PCDH15: variants seen among roughly 807,000 people sequenced by gnomAD.
The protein encoded by PCDH15 is protocadherin-15.
A neutral mutation model predicts 178.5 loss-of-function variants in PCDH15; 129 were observed. The observed-to-expected ratio is 0.72, with a 90% confidence interval of 0.63 to 0.84. The LOEUF is 0.84. PCDH15 is among the 40% of genes least tolerant of loss of function. PCDH15 has a pLI of 0.00. For missense variants in PCDH15, 2,230 were observed against 2,099.9 expected (o/e 1.06, Z -1.21); for synonymous variants, 800 against 732.0 (o/e 1.09, Z -1.50).
intron 18 of PCDH15, among the ~76,000 whole-genome samples, chr10:54,023,523 T>C (rs2660171): frequency 0.016 from 2,382 of 148,724 alleles, 59 homozygotes; most frequent in African/African-American, 0.055. Flanking sequence ...GAAAAAATTT[T>C]GTTTGTAATT....
intron 5 of PCDH15, among the ~76,000 whole-genome samples, chr10:54,368,709 A>T (rs1947175732): frequency 6.6e-6 from 1 of 151,994 alleles, no homozygotes; most frequent in Non-Finnish European, 1.5e-5. Context: ...CCAGAAAATA[A>T]CTTTACATTT....
At chr10:55,225,212 C>A (rs948794960) in intron 1 of PCDH15, among the ~76,000 whole-genome samples, 1 of 151,902 alleles carries the variant, frequency 6.6e-6, no homozygotes, top group African/African-American at 2.4e-5. Context: ...AATGAACAAG[C>A]AACATCTAAT....
At chr10:54,784,157 A>G (rs1950623064) in intron 1 of PCDH15, among the ~76,000 whole-genome samples, 2 of 152,058 alleles carry the variant, frequency 1.3e-5, no homozygotes, top group Admixed American at 1.3e-4. Flanking sequence ...TCCTTGATAC[A>G]TGAGGGTTAT....
chr10:55,574,078 AAT>A (rs1354066978), intron 2 of PCDH15, among the ~76,000 whole-genome samples: 5 of 152,004 alleles, frequency 3.3e-5, no homozygotes, highest in Non-Finnish European at 5.9e-5. Context: ...TTTCAGAGCC[AAT>A]ATATTCATCC....
chr10:55,406,687 G>A (rs1838204375), intron 2 of PCDH15, among the ~76,000 whole-genome samples: 1 of 152,142 alleles, frequency 6.6e-6, no homozygotes, highest in Non-Finnish European at 1.5e-5. Flanking sequence ...ATGTTCAAGT[G>A]TGGAGTTCAG....
Position 54,317,257 on chromosome 10 carries a change from A to G in PCDH15, c.876+14T>C, listed in dbSNP as rs1387851955. 2 of 1,609,196 alleles carry G rather than the reference A, an allele frequency of 1.2e-6. No homozygotes were observed. The highest frequency in any genetic ancestry group is 1.7e-6 in the Non-Finnish European group (2 of 1,175,614). On this transcript the variant is annotated intron_variant, in intron 8 of 37. Coordinates refer to ENST00000644397, the MANE Select transcript of PCDH15 (RefSeq NM_001384140.1). ...AACATGCAAATAAATGGAGAAAGAT[A>G]AGAGTATATTTACCGGAGTTCTCAA... is the stretch of plus-strand genomic sequence containing the variant.
intron 30 of PCDH15, among the ~76,000 whole-genome samples, chr10:53,829,344 A>G (rs1268915416): frequency 6.6e-6 from 1 of 152,156 alleles, no homozygotes; most frequent in African/African-American, 2.4e-5. Flanking sequence ...CATCTCAAGT[A>G]TTTGTTGTAT....
At chr10:54,606,191 A>G (rs886887521) in intron 2 of PCDH15, 4 of 152,078 alleles carry the variant, frequency 2.6e-5, no homozygotes, top group Admixed American at 2.0e-4. Flanking sequence ...TGTTGTAGCT[A>G]GTTGGTGAAT....
chr10:55,350,296 C>G (rs1055549122), intron 2 of PCDH15, among the ~76,000 whole-genome samples: 1 of 142,592 alleles, frequency 7.0e-6, no homozygotes, highest in Non-Finnish European at 1.5e-5. Flanking sequence ...CATACATACA[C>G]ACACAAACAT....
chr10:53,971,334 C>A (rs1323207241), intron 21 of PCDH15, among the ~76,000 whole-genome samples: 1 of 152,144 alleles, frequency 6.6e-6, no homozygotes, highest in African/African-American at 2.4e-5. Flanking sequence ...CAATATCATA[C>A]TGAATGGGCA....
chr10:54,967,084 C>T (rs1011295617), intron 2 of PCDH15, among the ~76,000 whole-genome samples: 11 of 152,062 alleles, frequency 7.2e-5, no homozygotes, highest in Non-Finnish European at 1.3e-4. Context: ...AGGCCTAGGA[C>T]ATCACTATTA....
intron 8 of PCDH15, among the ~76,000 whole-genome samples, chr10:54,271,534 C>G (rs2058049014): frequency 6.6e-6 from 1 of 152,106 alleles, no homozygotes; most frequent in Non-Finnish European, 1.5e-5. Context: ...ATTTAAAGAT[C>G]AGACATCTAT....
At chr10:54,074,331 A>G (rs1290832934) in intron 17 of PCDH15, among the ~76,000 whole-genome samples, 1 of 152,138 alleles carries the variant, frequency 6.6e-6, no homozygotes, top group Non-Finnish European at 1.5e-5. Context: ...TATAACATTA[A>G]ACAATAACTC....
intron 1 of PCDH15, among the ~76,000 whole-genome samples, chr10:54,746,644 T>A (rs957649427): frequency 6.6e-6 from 1 of 152,196 alleles, no homozygotes; most frequent in Admixed American, 6.5e-5. Context: ...TTTCTATGAC[T>A]CATGTGCAAA....
At chr10:54,490,128 C>A (rs2079446886) in intron 3 of PCDH15, among the ~76,000 whole-genome samples, 1 of 152,084 alleles carries the variant, frequency 6.6e-6, no homozygotes, top group Non-Finnish European at 1.5e-5. Flanking sequence ...TGCATCTTGA[C>A]TTTCTAATTC....
At chr10:55,481,443 T>C (rs1330024417) in intron 2 of PCDH15, among the ~76,000 whole-genome samples, 1 of 151,654 alleles carries the variant, frequency 6.6e-6, no homozygotes, top group Admixed American at 6.6e-5. Context: ...TGACTTGATA[T>C]CTTTCTAACT....
intron 2 of PCDH15, among the ~76,000 whole-genome samples, chr10:54,528,748 C>T (rs2132683384): frequency 6.6e-6 from 1 of 152,082 alleles, no homozygotes; most frequent in South Asian, 2.1e-4. Context: ...GCTGAAAAAA[C>T]TTTAAGAATA....
At chr10:53,891,362 C>T (rs1018339905) in intron 26 of PCDH15, among the ~76,000 whole-genome samples, 3 of 152,130 alleles carry the variant, frequency 2.0e-5, no homozygotes, top group Non-Finnish European at 2.9e-5. Flanking sequence ...ACACAATCAT[C>T]ACTACTCTAA....
intron 1 of PCDH15, among the ~76,000 whole-genome samples, chr10:55,259,902 C>CAAAAAAAAAAAAAAAAAAAAAAAAAAAA (rs749939571): frequency 1.9e-5 from 1 of 52,008 alleles, no homozygotes; most frequent in Non-Finnish European, 3.6e-5. Context: ...AACTCCGTCT[C>CAAAAAAAAAAAAAAAAAAAAAAAAAAAA]AAAAAAAAAA....
Sources: gnomAD v4.1 joint callset for allele counts (sites outside exome capture counted in the v4.1 genomes callset) on GRCh38, gnomAD v4.1.1 for gene constraint, MANE v1.5 for transcripts, NCBI Gene and HGNC (gene_info 2026-07-23, HGNC 2026-07-21) for gene names.